Variants in KCNQ1 observed in about 807,000 individuals in gnomAD.
The protein encoded by KCNQ1 is potassium voltage-gated channel subfamily KQT member 1.
In KCNQ1, 49 loss-of-function variants were observed where a neutral mutation model predicts 72.4. The ratio of observed to expected loss-of-function variants is 0.68; its 90% CI spans 0.54 to 0.86. The LOEUF (loss-of-function observed/expected upper bound fraction) is 0.86, where lower values mean the gene tolerates loss of function less well. KCNQ1 is among the 40% of genes least tolerant of loss of function. The pLI is 0.00. For synonymous variants in KCNQ1, 450 were observed against 412.6 expected, an observed-to-expected ratio of 1.09 and a Z score of -1.10; for missense variants, 790 against 945.1, an observed-to-expected ratio of 0.84 and a Z score of 2.15.
intron 2 of KCNQ1, among the ~76,000 whole-genome samples, chr11:2,531,222 TG>T (rs1375215032): frequency 6.6e-6 from 1 of 151,180 alleles, no homozygotes; most frequent in Non-Finnish European, 1.5e-5. Flanking sequence ...AGACGTGCCC[TG>T]GGCTCCACAT....
At chr11:2,585,703 G>C (rs1268797768) in intron 8 of KCNQ1, among the ~76,000 whole-genome samples, 1 of 152,254 alleles carries the variant, frequency 6.6e-6, no homozygotes, top group Non-Finnish European at 1.5e-5. Flanking sequence ...CAGCTGTGCA[G>C]TTGGTGCCTT....
intron 15 of KCNQ1, among the ~76,000 whole-genome samples, chr11:2,796,218 T>C (rs530992885): frequency 6.6e-6 from 1 of 151,906 alleles, no homozygotes; most frequent in African/African-American, 2.4e-5. Flanking sequence ...TCATTCCATG[T>C]CCCACCAGAA....
At chr11:2,688,327 A>C (rs2133888940) in intron 11 of KCNQ1, 2 of 398,820 alleles carry the variant, frequency 5.0e-6, no homozygotes, top group East Asian at 7.1e-5. Context: ...TCACACACAC[A>C]GCTTCCATGG....
chr11:2,722,063 C>T (rs1851212239), intron 11 of KCNQ1, among the ~76,000 whole-genome samples: 1 of 152,154 alleles, frequency 6.6e-6, no homozygotes, highest in African/African-American at 2.4e-5. Context: ...TCCATGGGGT[C>T]GCAGGGCCCA....
In KCNQ1 at chr11:2,767,125, G is replaced by A. The variant is rs1846513262; in HGVS notation, c.1515-1719G>A. Reference sequence around the variant, plus strand: ...GGAGGCTGCAGTGAGCCGAGGTTGTGCCACTGCACTCCAGCCTGGCAATAG... The same window carrying A: ...GGAGGCTGCAGTGAGCCGAGGTTGTACCACTGCACTCCAGCCTGGCAATAG... On this transcript the variant is annotated intron_variant, in intron 11 of 15. Coordinates refer to ENST00000155840, the MANE Select transcript of KCNQ1 (RefSeq NM_000218.3). This position sits in a 1 kb window ranked among gnomAD's most constrained non-coding sequence, Gnocchi z 4.6. 6.6e-6 allele frequency among the ~76,000 whole-genome samples: 1 copy of A among 152,192 alleles called. No individual in the cohort carries two copies. The highest frequency in any genetic ancestry group is 2.1e-4 in the South Asian group (1 of 4,822).
intron 11 of KCNQ1, chr11:2,667,434 A>C (rs1416017509): frequency 7.5e-6 from 3 of 398,602 alleles, no homozygotes; most frequent in South Asian, 1.3e-4. Context: ...CCCAGCCATG[A>C]TGCTGCTCAG....
At position 2,767,271 on chromosome 11, in the gene KCNQ1, C is replaced by G. The variant is rs1189162492; in HGVS notation, c.1515-1573C>G. 1.3e-5 allele frequency among the ~76,000 whole-genome samples: 2 copies of G among 152,040 alleles called. No homozygotes were observed. Among genetic ancestry groups the G allele is most frequent in the Non-Finnish European group, 2.9e-5 (2 of 68,014 alleles). ...GTTGGTGCTGGCTGTTAGCTGAGGCCTCTCTCTTCTCCATGTGGCCTCTCT... is the reference window on the plus strand; with the variant it reads ...GTTGGTGCTGGCTGTTAGCTGAGGCGTCTCTCTTCTCCATGTGGCCTCTCT... On this transcript the variant is annotated intron_variant, in intron 11 of 15. Coordinates refer to ENST00000155840, the MANE Select transcript of KCNQ1 (RefSeq NM_000218.3). The surrounding 1 kb of genome is among the most constrained non-coding windows in gnomAD (Gnocchi z 4.6).
In KCNQ1 at chr11:2,481,626, G is replaced by T. The variant is rs571128555; in HGVS notation, c.386+36142G>T. Among the ~76,000 whole-genome samples the T allele has an allele frequency of 6.6e-6, 1 of 152,184 alleles. No homozygotes were observed. Among genetic ancestry groups the T allele is most frequent in the Non-Finnish European group, 1.5e-5 (1 of 68,020 alleles). ...TATTTACAGTCACTCCCCATCACTC[G>T]CATTACCGCGTGAGCTCTGCCTCCT... On this transcript the variant is annotated intron_variant, in intron 1 of 15. Transcript: ENST00000155840. This position sits in a 1 kb window ranked among gnomAD's most constrained non-coding sequence, Gnocchi z 4.6.
intron 15 of KCNQ1, among the ~76,000 whole-genome samples, chr11:2,831,732 C>T (rs1281131311): frequency 1.4e-5 from 2 of 141,828 alleles, no homozygotes; most frequent in Non-Finnish European, 3.1e-5. Flanking sequence ...CTCCCCGCTG[C>T]CCTCCTCTGC....
chr11:2,820,452 A>T (rs1847708012), intron 15 of KCNQ1, among the ~76,000 whole-genome samples: 2 of 152,198 alleles, frequency 1.3e-5, no homozygotes, highest in Non-Finnish European at 2.9e-5. Flanking sequence ...GCCTAATAGG[A>T]TCATTTCTGT....
intron 11 of KCNQ1, chr11:2,667,177 C>T (rs1016496317): frequency 7.5e-6 from 3 of 398,580 alleles, no homozygotes; most frequent in Non-Finnish European, 1.3e-5. Flanking sequence ...TCCAGCCTGC[C>T]ATCAGCCCAG....
At chr11:2,694,679 G>A (rs1469846746) in intron 11 of KCNQ1, 2 of 398,518 alleles carry the variant, frequency 5.0e-6, no homozygotes, top group Non-Finnish European at 8.8e-6. Context: ...CTATACGGAA[G>A]ACAGATATGC....
intron 1 of KCNQ1, among the ~76,000 whole-genome samples, chr11:2,474,119 GC>G: frequency 6.6e-6 from 1 of 152,282 alleles, no homozygotes; most frequent in South Asian, 2.1e-4. Context: ...TTCGAAACAG[GC>G]TTTCCTCACT....
At chr11:2,616,164 T>A (rs1849060084) in intron 10 of KCNQ1, 1 of 397,950 alleles carries the variant, frequency 2.5e-6, no homozygotes. Flanking sequence ...TTTATCACAC[T>A]TTTTATTTCT....
At position 2,515,436 on chromosome 11, in the gene KCNQ1, C is replaced by T. The variant is rs1281244157; in HGVS notation, c.387-12492C>T. ...TGGCCCAGGGGCGGGGAGGCCTGTCCACCCCTCCCACCCGTCCCCGAGGCC... is the reference window on the plus strand; with the variant it reads ...TGGCCCAGGGGCGGGGAGGCCTGTCTACCCCTCCCACCCGTCCCCGAGGCC... On this transcript the variant is annotated intron_variant, in intron 1 of 15. Transcript: ENST00000155840. The surrounding 1 kb of genome is among the most constrained non-coding windows in gnomAD (Gnocchi z 4.7). Among the ~76,000 whole-genome samples, 1 of 152,112 alleles carries T rather than the reference C, an allele frequency of 6.6e-6. No individual in the cohort carries two copies. Among genetic ancestry groups the T allele is most frequent in the Non-Finnish European group, 1.5e-5 (1 of 68,006 alleles).
intron 11 of KCNQ1, among the ~76,000 whole-genome samples, chr11:2,761,075 A>C (rs1223734960): frequency 6.6e-6 from 1 of 152,224 alleles, no homozygotes; most frequent in Admixed American, 6.5e-5. Context: ...GAATCAGATC[A>C]CACGTGGGCT....
intron 10 of KCNQ1, chr11:2,650,001 A>G (rs1849733113): frequency 2.5e-6 from 1 of 398,228 alleles, no homozygotes; most frequent in Non-Finnish European, 4.4e-6. Context: ...TATTTTTTAA[A>G]TCTGTCTGGT....
At chr11:2,778,859 G>A (rs1458245622) in intron 15 of KCNQ1, among the ~76,000 whole-genome samples, 1 of 152,146 alleles carries the variant, frequency 6.6e-6, no homozygotes, top group Non-Finnish European at 1.5e-5. Flanking sequence ...CTTCCATCTC[G>A]GCTGCAGCCG....
In KCNQ1 at chr11:2,549,632, G is replaced by C. The variant is rs940335869; in HGVS notation, c.478-20996G>C. 6.6e-6 allele frequency among the ~76,000 whole-genome samples: 1 copy of C among 152,060 alleles called. No homozygotes were observed. The highest frequency in any genetic ancestry group is 1.5e-5 in the Non-Finnish European group (1 of 67,964). ...ACTGCTCTGCGAGGCCCGGGGTAGG[G>C]GCGTGGGGGGGCCTCCTCCTCCCAA... is the stretch of plus-strand genomic sequence containing the variant. On this transcript the variant is annotated intron_variant, in intron 2 of 15. Transcript: ENST00000155840. The surrounding 1 kb of genome is among the most constrained non-coding windows in gnomAD (Gnocchi z 6.2).
Sources: allele counts gnomAD v4.1 joint callset (sites outside exome capture counted in the v4.1 genomes callset), GRCh38; gene constraint gnomAD v4.1.1; non-coding constraint Gnocchi (gnomAD v3.1); transcripts MANE v1.5; gene names NCBI Gene and HGNC (gene_info 2026-07-23, HGNC 2026-07-21).